SLC44A1: variants seen among roughly 807,000 people sequenced by gnomAD.
SLC44A1 encodes the protein solute carrier family 44 member 1.
In SLC44A1, 26 loss-of-function variants were observed where a neutral mutation model predicts 79.3. The observed-to-expected ratio is 0.33, with a 90% CI of 0.24 to 0.46. The LOEUF (loss-of-function observed/expected upper bound fraction) is 0.46, where lower values mean the gene tolerates loss of function less well. SLC44A1 is among the 20% of genes least tolerant of loss of function. The pLI is 1.00. For missense variants in SLC44A1, 688 were observed against 798.1 expected (o/e 0.86, Z 1.66); for synonymous variants, 263 against 286.2 (o/e 0.92, Z 0.82).
intron 9 of SLC44A1, among the ~76,000 whole-genome samples, chr9:105,363,487 CAG>C (rs1275686327): frequency 1.1e-4 from 16 of 150,010 alleles, no homozygotes; most frequent in African/African-American, 3.9e-4. Flanking sequence ...TTTTTTGAGA[CAG>C]AGTGTCTCTC....
At chr9:105,369,558 T>C (rs1006769530) in intron 12 of SLC44A1, among the ~76,000 whole-genome samples, 1 of 152,204 alleles carries the variant, frequency 6.6e-6, no homozygotes, top group Non-Finnish European at 1.5e-5. Context: ...ATTCAGACCA[T>C]AGCATTCCCC....
chr9:105,267,897 C>G (rs1389191800), intron 1 of SLC44A1, among the ~76,000 whole-genome samples: 2 of 152,126 alleles, frequency 1.3e-5, no homozygotes, highest in Admixed American at 6.5e-5. Context: ...TCGGGAAACA[C>G]TAAGTGTCAG....
At position 105,244,824 on chromosome 9, in the gene SLC44A1, G is replaced by A; in HGVS notation, c.-45G>A. On this transcript the variant is annotated 5_prime_UTR_variant, in exon 1 of 16. Transcript: ENST00000374720. ...CTCGCATGCCGAGGGGCTCCGGGGCGTAGCTGCGCGCCCGGCGCCGCCTCC... is the reference window on the plus strand; with the variant it reads ...CTCGCATGCCGAGGGGCTCCGGGGCATAGCTGCGCGCCCGGCGCCGCCTCC... 4 of 1,089,966 alleles carry A rather than the reference G, an allele frequency of 3.7e-6. No homozygotes were observed. The highest frequency in any genetic ancestry group is 4.5e-6 in the Non-Finnish European group (4 of 895,222). 67.5% of individuals were successfully genotyped at this position (1,089,966 alleles called of 1,614,324 possible).
At chr9:105,434,972 C>A (rs1291386587) in intron 15 of SLC44A1, among the ~76,000 whole-genome samples, 1 of 152,010 alleles carries the variant, frequency 6.6e-6, no homozygotes, top group Non-Finnish European at 1.5e-5. Flanking sequence ...TGGTGTAATC[C>A]CATCTCTACA....
In SLC44A1 at chr9:105,365,494, A is replaced by T; in HGVS notation, c.1265A>T (p.Asn422Ile). Reference protein sequence around the residue: ...VTYYFTRDKRNLPFTPILASV... With the variant: ...VTYYFTRDKRILPFTPILASV... ...CATTTTTTAAATAGGGATAAAAGGA[A>T]TTTGCCATTTACACCTATTTTGGCA... Residue 422 changes from asparagine to isoleucine, a missense_variant, in exon 11 of 16, where the codon AAT (asparagine) becomes ATT (isoleucine). Coordinates refer to ENST00000374720, the MANE Select transcript of SLC44A1 (RefSeq NM_080546.5). 6.2e-7 allele frequency: 1 copy of T among 1,612,200 alleles called. No homozygotes were observed. Among genetic ancestry groups the T allele is most frequent in the Non-Finnish European group, 8.5e-7 (1 of 1,178,922 alleles).
intron 1 of SLC44A1, among the ~76,000 whole-genome samples, chr9:105,257,984 G>GA (rs1829750511): frequency 6.6e-6 from 1 of 152,208 alleles, no homozygotes. Context: ...CTGAATGGGA[G>GA]AAATAGAAGG....
intron 13 of SLC44A1, among the ~76,000 whole-genome samples, chr9:105,381,264 G>T (rs1248165964): frequency 6.6e-6 from 1 of 152,078 alleles, no homozygotes; most frequent in Middle Eastern, 3.2e-3. Flanking sequence ...TAATGACCAG[G>T]CGCGGTGGCT....
chr9:105,397,539 A>G (rs1449139410), downstream of SLC44A1, among the ~76,000 whole-genome samples: 1 of 152,080 alleles, frequency 6.6e-6, no homozygotes. Flanking sequence ...ACCTAAACCA[A>G]TTTCTGAAGT....
At chr9:105,257,888 TC>T (rs1829748822) in intron 1 of SLC44A1, among the ~76,000 whole-genome samples, 1 of 152,156 alleles carries the variant, frequency 6.6e-6, no homozygotes. Context: ...GGGAAGGCAT[TC>T]ATATTTGAAG....
chr9:105,286,533 T>G (rs1830482761), intron 1 of SLC44A1, among the ~76,000 whole-genome samples: 1 of 152,264 alleles, frequency 6.6e-6, no homozygotes, highest in Admixed American at 6.5e-5. Context: ...ACAGTCACTT[T>G]AAGTACTTGT....
intron 10 of SLC44A1, among the ~76,000 whole-genome samples, chr9:105,365,232 A>G (rs752832053): frequency 8.5e-5 from 13 of 152,216 alleles, no homozygotes; most frequent in Non-Finnish European, 1.9e-4. Context: ...TTCAGAGCAC[A>G]GTTTTATTTA....
intron 3 of SLC44A1, among the ~76,000 whole-genome samples, chr9:105,330,765 AC>A (rs1316207474): frequency 6.6e-6 from 1 of 152,162 alleles, no homozygotes; most frequent in East Asian, 1.9e-4. Flanking sequence ...TTAAAAATAA[AC>A]CTTTTCCTCT....
At chr9:105,438,130 C>CTGTGTG (rs147203232) in intron 15 of SLC44A1, 86 of 496,186 alleles carry the variant, frequency 1.7e-4, no homozygotes, top group Middle Eastern at 1.1e-3. Flanking sequence ...ATTTGTTAAT[C>CTGTGTG]TGTGTGTGTG....
intron 3 of SLC44A1, among the ~76,000 whole-genome samples, chr9:105,325,263 A>G (rs949001305): frequency 6.6e-6 from 1 of 152,232 alleles, no homozygotes; most frequent in Non-Finnish European, 1.5e-5. Context: ...ATATGGTACA[A>G]TTCTCTTTAT....
intron 15 of SLC44A1, among the ~76,000 whole-genome samples, chr9:105,435,698 T>C (rs1331517435): frequency 6.6e-6 from 1 of 152,216 alleles, no homozygotes; most frequent in Non-Finnish European, 1.5e-5. Flanking sequence ...GGGGTCACAA[T>C]GGCTCGACCA....
chr9:105,271,989 G>T (rs976105219), intron 1 of SLC44A1, among the ~76,000 whole-genome samples: 1 of 152,126 alleles, frequency 6.6e-6, no homozygotes, highest in African/African-American at 2.4e-5. Context: ...TGTTTCTCTG[G>T]TGTAGAAATT....
chr9:105,341,930 C>G (rs184588860), intron 4 of SLC44A1, among the ~76,000 whole-genome samples: 115 of 152,220 alleles, frequency 7.6e-4, no homozygotes, highest in African/African-American at 2.7e-3. Context: ...TTCTCTTAAG[C>G]CCTCTTGTTT....
chr9:105,398,158 A>C (rs1431418343), downstream of SLC44A1, among the ~76,000 whole-genome samples: 1 of 152,210 alleles, frequency 6.6e-6, no homozygotes, highest in Non-Finnish European at 1.5e-5. Flanking sequence ...CAAGCTTTTT[A>C]AAAACCAATA....
At chr9:105,423,396 A>G (rs1829280299) in intron 15 of SLC44A1, among the ~76,000 whole-genome samples, 1 of 152,010 alleles carries the variant, frequency 6.6e-6, no homozygotes. Context: ...AACCCAGGAG[A>G]TGAAGGTTGC....
Sources: allele counts gnomAD v4.1 joint callset (sites outside exome capture counted in the v4.1 genomes callset), GRCh38; gene constraint gnomAD v4.1.1; transcripts MANE v1.5; gene names NCBI Gene and HGNC (gene_info 2026-07-23, HGNC 2026-07-21).